Variants in PPEF1 observed in about 807,000 individuals in gnomAD.
PPEF1 encodes protein phosphatase with EF-hand domain 1.
In PPEF1, 12 loss-of-function variants were observed where a neutral mutation model predicts 53.3. That is an observed-to-expected ratio of 0.23 (90% CI 0.14 to 0.36). The LOEUF (loss-of-function observed/expected upper bound fraction) is 0.36. PPEF1 is among the 10% of genes least tolerant of loss of function. The probability of loss-of-function intolerance (pLI) is 1.00; values close to 1 mark genes in which losing one functional copy is unlikely to be tolerated. For missense variants in PPEF1, 334 were observed against 490.4 expected, an observed-to-expected ratio of 0.68 and a Z score of 3.01; for synonymous variants, 165 against 176.7, an observed-to-expected ratio of 0.93 and a Z score of 0.52.
At chrX:18,808,116 G>A (rs1034988847) in intron 12 of PPEF1, among the ~76,000 whole-genome samples, 4 of 107,997 alleles carry the variant, frequency 3.7e-5, no homozygotes, top group Non-Finnish European at 5.7e-5. Context: ...ACAGGTGCAC[G>A]CCACCACACC....
At chrX:18,707,218 G>A (rs1010451034), upstream of PPEF1, among the ~76,000 whole-genome samples, 2 of 111,792 alleles carry the variant, frequency 1.8e-5, no homozygotes, top group Non-Finnish European at 3.8e-5. Context: ...TGTTAAATAT[G>A]TTGTTTTTGT....
At chrX:18,784,421 T>C (rs753285137) in intron 9 of PPEF1, among the ~76,000 whole-genome samples, 2 of 111,486 alleles carry the variant, frequency 1.8e-5, no homozygotes, top group East Asian at 5.7e-4. Context: ...TAACCATTTT[T>C]AAGTGTATAG....
chrX:18,790,641 G>A (rs749684363), intron 10 of PPEF1, among the ~76,000 whole-genome samples: 10 of 111,268 alleles, frequency 9.0e-5, no homozygotes, highest in Non-Finnish European at 1.7e-4. Context: ...TGTGTGGTGG[G>A]AGGTGAGATT....
At chrX:18,799,400 C>G (rs2046507244) in intron 10 of PPEF1, among the ~76,000 whole-genome samples, 1 of 111,574 alleles carries the variant, frequency 9.0e-6, no homozygotes, top group Admixed American at 9.5e-5. Context: ...AAGCAAAACT[C>G]TGTCTCAAAA....
chrX:18,739,990 A>C (rs1015493311), intron 3 of PPEF1, among the ~76,000 whole-genome samples: 11 of 112,438 alleles, frequency 9.8e-5, no homozygotes, highest in Non-Finnish European at 2.1e-4. Flanking sequence ...GGAAAAGTGC[A>C]GTATTAGAGT....
At chrX:18,789,362 C>A (rs895697715) in intron 10 of PPEF1, 89 bp downstream of exon 10, 1 of 912,558 alleles carries the variant, frequency 1.1e-6, no homozygotes, top group Non-Finnish European at 1.5e-6. Context: ...AGTGACTTTA[C>A]CTTTACGAGG....
At chrX:18,793,525 G>A (rs892734861) in intron 10 of PPEF1, among the ~76,000 whole-genome samples, 2 of 110,921 alleles carry the variant, frequency 1.8e-5, no homozygotes, top group South Asian at 7.7e-4. Flanking sequence ...CCCGGAGAAT[G>A]CTCCATGTGC....
intron 9 of PPEF1, among the ~76,000 whole-genome samples, chrX:18,787,768 A>AG (rs199883137): frequency 0.44 from 45,413 of 103,576 alleles, 8,159 homozygotes; most frequent in Non-Finnish European, 0.51. Context: ...AAAAAAAAAA[A>AG]AAAGAAAGAA....
At chrX:18,807,318 A>G (rs1237301655) in intron 12 of PPEF1, among the ~76,000 whole-genome samples, 1 of 112,341 alleles carries the variant, frequency 8.9e-6, no homozygotes, top group Non-Finnish European at 1.9e-5. Flanking sequence ...GGCATGAGCC[A>G]CTGCGCCCGG....
chrX:18,779,183 C>A lies in PPEF1; in HGVS notation c.725+7C>A. 2 of 1,183,143 alleles carry A rather than the reference C, an allele frequency of 1.7e-6. No homozygotes were observed. The highest frequency in any genetic ancestry group is 2.3e-6 in the Non-Finnish European group (2 of 880,502). On this transcript the variant is annotated splice_region_variant and intron_variant, in intron 7 of 15. Coordinates refer to ENST00000470157, the MANE Select transcript of PPEF1 (RefSeq NM_001377996.1). ...ATTTTATGATGAATCTGAGGTAACC[C>A]AGGCCTTTAGATTTTCTCTTTTAAA...
chrX:18,815,969 C>G (rs1285035299), intron 12 of PPEF1, among the ~76,000 whole-genome samples: 1 of 107,478 alleles, frequency 9.3e-6, no homozygotes, highest in Non-Finnish European at 1.9e-5. Context: ...GGCGTGATCT[C>G]GGTTCACTGC....
upstream of PPEF1, among the ~76,000 whole-genome samples, chrX:18,675,151 C>T (rs1348910287): frequency 1.8e-5 from 2 of 113,216 alleles, no homozygotes; most frequent in African/African-American, 6.4e-5. Flanking sequence ...CTGCCCGCCA[C>T]AGTCGCGGCC....
At chrX:18,678,460 A>T (rs1034377484), upstream of PPEF1, among the ~76,000 whole-genome samples, 3 of 111,104 alleles carry the variant, frequency 2.7e-5, no homozygotes, top group Non-Finnish European at 3.8e-5. Flanking sequence ...AAAGCAAAAA[A>T]ACAGGAAAAA....
chrX:18,799,550 A>G (rs7061689), intron 10 of PPEF1, among the ~76,000 whole-genome samples: 5,229 of 112,074 alleles, frequency 0.047, 299 homozygotes, highest in African/African-American at 0.16. Flanking sequence ...TATACCTTTC[A>G]GAGCTATTAA....
At chrX:18,798,302 G>A (rs2046473546) in intron 10 of PPEF1, among the ~76,000 whole-genome samples, 3 of 111,432 alleles carry the variant, frequency 2.7e-5, no homozygotes, top group Non-Finnish European at 5.6e-5. Context: ...GAAAGTGCTG[G>A]GATTACAAGC....
rs190669700 is a variant in PPEF1 at position 18,810,576 on chromosome X, G to C, written c.1394+4031G>C. ...CTAGGCAACCACTAATCTATTTTCT[G>C]TCTCTATGGATTTGCCTATTCTCGG... On this transcript the variant is annotated intron_variant, in intron 12 of 15. Coordinates refer to ENST00000470157, the MANE Select transcript of PPEF1 (RefSeq NM_001377996.1). Among the ~76,000 whole-genome samples, 509 of 112,069 alleles carry C rather than the reference G, an allele frequency of 4.5e-3. 3 individuals are homozygous for C. Among genetic ancestry groups the C allele is most frequent in the African/African-American group, 0.016 (491 of 30,918 alleles).
chrX:18,745,558 C>T (rs1005054378), intron 3 of PPEF1, among the ~76,000 whole-genome samples: 2 of 110,563 alleles, frequency 1.8e-5, no homozygotes, highest in Non-Finnish European at 3.8e-5. Context: ...CCACAAGTAA[C>T]TTTATTTTTA....
chrX:18,685,705 A>C (rs1342958299), intron 2 of PPEF1, among the ~76,000 whole-genome samples: 1 of 99,615 alleles, frequency 1.0e-5, no homozygotes, highest in Non-Finnish European at 1.9e-5. Flanking sequence ...AAAAAAAAAG[A>C]AAAAAAAGCA....
chrX:18,720,745 C>A (rs1419810545), intron 1 of PPEF1, among the ~76,000 whole-genome samples: 1 of 111,483 alleles, frequency 9.0e-6, no homozygotes, highest in African/African-American at 3.3e-5. Flanking sequence ...CTACCAACTT[C>A]ATTCATTGAA....
Sources: allele counts gnomAD v4.1 joint callset (sites outside exome capture counted in the v4.1 genomes callset), GRCh38; gene constraint gnomAD v4.1.1; transcripts MANE v1.5; gene names NCBI Gene and HGNC (gene_info 2026-07-23, HGNC 2026-07-21).